OSTN: variants seen among roughly 807,000 people sequenced by gnomAD.
The protein encoded by OSTN is osteocrin.
A neutral mutation model predicts 12.0 loss-of-function variants in OSTN; 9 were observed. The observed-to-expected ratio is 0.75, with a 90% confidence interval of 0.45 to 1.30. The LOEUF is 1.30. Ranked by LOEUF, OSTN falls within the 50% of genes most tolerant of loss-of-function variation. OSTN has a pLI of 0.00. For synonymous variants in OSTN, 59 were observed against 56.9 expected, an observed-to-expected ratio of 1.04 and a Z score of -0.16; for missense variants, 148 against 152.3, an observed-to-expected ratio of 0.97 and a Z score of 0.15.
intron 1 of OSTN, among the ~76,000 whole-genome samples, chr3:191,210,778 G>C (rs1227895441): frequency 6.6e-6 from 1 of 152,150 alleles, no homozygotes; most frequent in African/African-American, 2.4e-5. Context: ...AAGTTGGAAG[G>C]CTTTCCCATT....
At chr3:191,218,609 A>C in intron 2 of OSTN, 138 bp from the exon 3 acceptor site, 1 of 677,386 alleles carries the variant, frequency 1.5e-6, no homozygotes. Context: ...GACAACAAGC[A>C]CAAAACTTTG....
In OSTN at chr3:191,220,933, TC is replaced by T. The variant is rs1321133111; in HGVS notation, c.317+1976del. ...CACCACATGATATGGTTTGGCTGTG[TC>T]CCCATTGAAATCTCATCTTGAATTG... On this transcript the variant is annotated intron_variant, in intron 3 of 4. Coordinates refer to ENST00000682035, the MANE Select transcript of OSTN (RefSeq NM_198184.2). Among the ~76,000 whole-genome samples, 4 of 152,118 alleles carry T rather than the reference TC, an allele frequency of 2.6e-5. No individual in the cohort carries two copies. In the South Asian group the frequency reaches 6.2e-4, roughly 24 times the overall value.
chr3:191,264,973 T>TATAAC lies in OSTN; in HGVS notation c.*2123_*2124insACATA, dbSNP rs1715890056. 6.6e-6 allele frequency: 1 copy of TATAAC among 152,018 alleles called. No individual in the cohort carries two copies. The highest frequency in any genetic ancestry group is 1.5e-5 in the Non-Finnish European group (1 of 67,940). 9.4% of individuals were successfully genotyped at this position (152,018 alleles called of 1,614,324 possible). A position where few individuals can be genotyped will look rare whatever the true frequency, so the allele number is the denominator to read the frequency against. ...TCATGTGTAATGTATTTTCACCTAATATACACACAATTTCCATGAAGGGAA... is the reference window on the plus strand; with the variant it reads ...TCATGTGTAATGTATTTTCACCTAATATAACATACACACAATTTCCATGAAGGGAA... On this transcript the variant is annotated 3_prime_UTR_variant, in exon 5 of 5. Coordinates refer to ENST00000682035, the MANE Select transcript of OSTN (RefSeq NM_198184.2).
At chr3:191,225,829 G>A (rs1714895386) in intron 3 of OSTN, among the ~76,000 whole-genome samples, 1 of 152,042 alleles carries the variant, frequency 6.6e-6, no homozygotes, top group Admixed American at 6.6e-5. Context: ...TACAAAAGGT[G>A]GAAGGGAAGA....
At chr3:191,207,029 G>T (rs1055000880) in intron 1 of OSTN, among the ~76,000 whole-genome samples, 5 of 152,116 alleles carry the variant, frequency 3.3e-5, no homozygotes, top group African/African-American at 1.2e-4. Flanking sequence ...GGCACGCATG[G>T]TCATTTCATG....
Position 191,200,999 on chromosome 3 carries a change from A to G in OSTN, c.-1+1692A>G, listed in dbSNP as rs140807100. Among the ~76,000 whole-genome samples, 509 of 152,226 alleles carry G rather than the reference A, an allele frequency of 3.3e-3. 2 individuals are homozygous for G. The highest frequency in any genetic ancestry group is 9.5e-3 in the South Asian group (46 of 4,822). On this transcript the variant is annotated intron_variant, in intron 1 of 4. Coordinates refer to ENST00000682035, the MANE Select transcript of OSTN (RefSeq NM_198184.2). ...CCTCAGGAGCTTGTGGGGATACAAC[A>G]AGTAAGCTACAACAAGGTGCTAACT... is the stretch of plus-strand genomic sequence containing the variant.
At chr3:191,213,261 G>A (rs370871818) in intron 2 of OSTN, 7 of 152,330 alleles carry the variant, frequency 4.6e-5, no homozygotes, top group African/African-American at 1.7e-4. Context: ...ATAAAATAGA[G>A]AAATAACACA....
chr3:191,239,343 C>T (rs1183696939), intron 3 of OSTN, among the ~76,000 whole-genome samples: 1 of 152,130 alleles, frequency 6.6e-6, no homozygotes, highest in African/African-American at 2.4e-5. Flanking sequence ...TACAAAGTCA[C>T]ATACTGGGCA....
chr3:191,215,253 T>G (rs1714577944), intron 2 of OSTN, among the ~76,000 whole-genome samples: 1 of 152,050 alleles, frequency 6.6e-6, no homozygotes, highest in Non-Finnish European at 1.5e-5. Flanking sequence ...GGAGAAATTA[T>G]CCCCATGATT....
In OSTN at chr3:191,264,549, T is replaced by C. The variant is rs774485574; in HGVS notation, c.*1696T>C. 1 of 152,170 alleles carries C rather than the reference T, an allele frequency of 6.6e-6. No homozygotes were observed. The highest frequency in any genetic ancestry group is 6.5e-5 in the Admixed American group (1 of 15,284). 9.4% of individuals were successfully genotyped at this position (152,170 alleles called of 1,614,324 possible). On this transcript the variant is annotated 3_prime_UTR_variant, in exon 5 of 5. Coordinates refer to ENST00000682035, the MANE Select transcript of OSTN (RefSeq NM_198184.2). ...TTTGGGAAATCTAACCAATTCTTTT[T>C]TTCATAAACTTGTGTTAGAAAGCTA...
At chr3:191,213,592 G>A (rs1187000085) in intron 2 of OSTN, among the ~76,000 whole-genome samples, 1 of 151,970 alleles carries the variant, frequency 6.6e-6, no homozygotes, top group African/African-American at 2.4e-5. Context: ...TTTAATTACA[G>A]TACAAATATT....
chr3:191,204,208 T>A (rs6793076), intron 1 of OSTN, among the ~76,000 whole-genome samples: 59,100 of 151,878 alleles, frequency 0.39, 11,973 homozygotes, highest in Middle Eastern at 0.52. Context: ...AATTTTTTTT[T>A]AACGGGAAAT....
At chr3:191,262,484 A>G (rs1715834243) in intron 4 of OSTN, among the ~76,000 whole-genome samples, 2 of 152,234 alleles carry the variant, frequency 1.3e-5, no homozygotes, top group Admixed American at 1.3e-4. Flanking sequence ...TATAATAAAC[A>G]GAAAGTAGTA....
At chr3:191,225,780 C>T (rs1328373794) in intron 3 of OSTN, among the ~76,000 whole-genome samples, 1 of 151,760 alleles carries the variant, frequency 6.6e-6, no homozygotes, top group East Asian at 1.9e-4. Context: ...ACAGTGGGTA[C>T]CCATGGGCAT....
intron 2 of OSTN, among the ~76,000 whole-genome samples, chr3:191,213,015 C>T (rs981781272): frequency 6.6e-6 from 1 of 151,476 alleles, no homozygotes; most frequent in African/African-American, 2.4e-5. Flanking sequence ...GGATTATAGG[C>T]ATGTGCCACC....
chr3:191,255,173 A>T (rs1012707146), intron 4 of OSTN, among the ~76,000 whole-genome samples: 3 of 152,102 alleles, frequency 2.0e-5, no homozygotes, highest in African/African-American at 4.8e-5. Context: ...TTGCATGAAC[A>T]GTTCACAATA....
chr3:191,200,076 C>T lies in OSTN; in HGVS notation c.-1+769C>T, dbSNP rs543726599. 2.2e-4 allele frequency among the ~76,000 whole-genome samples: 34 copies of T among 152,092 alleles called. No individual in the cohort carries two copies. The South Asian group carries it at 6.6e-3, about 30-fold the overall frequency. ...GATTATTATTTGTTTATGAGTTTTC[C>T]TTCTAAAAATTTAACATTTTTGAGA... On this transcript the variant is annotated intron_variant, in intron 1 of 4. Coordinates refer to ENST00000682035, the MANE Select transcript of OSTN (RefSeq NM_198184.2).
At chr3:191,237,616 G>A (rs76631485) in intron 3 of OSTN, among the ~76,000 whole-genome samples, 3,524 of 152,282 alleles carry the variant, frequency 0.023, 59 homozygotes, top group Middle Eastern at 0.044. Context: ...GCCCCTAGAA[G>A]GTCATGTACC....
intron 1 of OSTN, among the ~76,000 whole-genome samples, chr3:191,210,147 G>A (rs9841250): frequency 0.23 from 35,076 of 152,140 alleles, 4,552 homozygotes; most frequent in Middle Eastern, 0.45. Context: ...GGCCAGAGCA[G>A]GAGGAAAAAG....
Sources: gnomAD v4.1 joint callset for allele counts (sites outside exome capture counted in the v4.1 genomes callset) on GRCh38, gnomAD v4.1.1 for gene constraint, MANE v1.5 for transcripts, NCBI Gene and HGNC (gene_info 2026-07-23, HGNC 2026-07-21) for gene names.